Variants in TEAD1 observed in about 807,000 individuals in gnomAD.
TEAD1 encodes the protein TEA domain transcription factor 1.
TEAD1 carries 9 observed loss-of-function variants against 54.9 expected under a neutral mutation model. The ratio of observed to expected loss-of-function variants is 0.16; its 90% CI spans 0.10 to 0.29. The LOEUF (loss-of-function observed/expected upper bound fraction) is 0.29, where lower values mean the gene tolerates loss of function less well. Among genes scored for constraint, TEAD1 ranks in the 10% least tolerant of loss-of-function variants. TEAD1 has a pLI of 1.00. For synonymous variants in TEAD1, 200 were observed against 187.8 expected (o/e 1.07, Z -0.53); for missense variants, 387 against 535.9 (o/e 0.72, Z 2.74).
Position 12,716,709 on chromosome 11 carries a change from A to T in TEAD1, c.-55+41148A>T, listed in dbSNP as rs1425010135. Among the ~76,000 whole-genome samples the T allele has an allele frequency of 2.6e-5, 4 of 152,334 alleles. No homozygotes were observed. In the East Asian group the frequency reaches 7.7e-4, roughly 29 times the overall value. On this transcript the variant is annotated intron_variant, in intron 2 of 12. Coordinates refer to ENST00000527636, the MANE Select transcript of TEAD1 (RefSeq NM_021961.6). The stretch of plus-strand genomic sequence containing the variant: ...TGTTCCAGTAAAATCTTATTTATGG[A>T]CACATGTGAACTCCATGTAGTTTAT...
At chr11:12,906,555 A>AAG (rs1564985939) in intron 10 of TEAD1, among the ~76,000 whole-genome samples, 12 of 142,110 alleles carry the variant, frequency 8.4e-5, no homozygotes, top group Non-Finnish European at 1.7e-4. Context: ...AAAAAAAAAA[A>AAG]AAAGAAAGAA....
intron 3 of TEAD1, among the ~76,000 whole-genome samples, chr11:12,791,428 C>T (rs1161591240): frequency 1.3e-5 from 2 of 152,160 alleles, no homozygotes; most frequent in Non-Finnish European, 2.9e-5. Context: ...AATTCCTGAT[C>T]TGAGGGAAGA....
chr11:12,789,380 T>G (rs989612316), intron 3 of TEAD1, among the ~76,000 whole-genome samples: 1 of 152,232 alleles, frequency 6.6e-6, no homozygotes, highest in Non-Finnish European at 1.5e-5. Flanking sequence ...TTTTGCTATA[T>G]TCATAAAATG....
chr11:12,818,957 G>A (rs1354726812), intron 3 of TEAD1, among the ~76,000 whole-genome samples: 1 of 152,194 alleles, frequency 6.6e-6, no homozygotes. Flanking sequence ...AACAGTAAAT[G>A]TATCTGGAGC....
At chr11:12,725,581 C>T (rs1312637690) in intron 2 of TEAD1, among the ~76,000 whole-genome samples, 1 of 151,210 alleles carries the variant, frequency 6.6e-6, no homozygotes, top group Non-Finnish European at 1.5e-5. Flanking sequence ...TCACATGCAC[C>T]TCATAAATAC....
intron 5 of TEAD1, among the ~76,000 whole-genome samples, chr11:12,878,663 T>C (rs998769730): frequency 2.0e-5 from 3 of 152,076 alleles, no homozygotes; most frequent in African/African-American, 7.2e-5. Context: ...TTGGGTGCCC[T>C]TCTCAATCAT....
intron 3 of TEAD1, among the ~76,000 whole-genome samples, chr11:12,774,959 C>T (rs1286200720): frequency 6.6e-6 from 1 of 152,044 alleles, no homozygotes; most frequent in Non-Finnish European, 1.5e-5. Context: ...ATCTGTACAA[C>T]AAACTCCCAT....
At chr11:12,796,044 T>C (rs555164655) in intron 3 of TEAD1, among the ~76,000 whole-genome samples, 1 of 152,334 alleles carries the variant, frequency 6.6e-6, no homozygotes, top group South Asian at 2.1e-4. Flanking sequence ...AGAATTCTTT[T>C]TGCACAGGTT....
chr11:12,792,738 T>C (rs1040761554), intron 3 of TEAD1, among the ~76,000 whole-genome samples: 9 of 152,120 alleles, frequency 5.9e-5, no homozygotes, highest in Non-Finnish European at 7.3e-5. Context: ...CCAAAAAACA[T>C]TGGTTATGGG....
intron 2 of TEAD1, among the ~76,000 whole-genome samples, chr11:12,755,840 A>G (rs1230601450): frequency 6.6e-6 from 1 of 152,166 alleles, no homozygotes; most frequent in Non-Finnish European, 1.5e-5. Flanking sequence ...GTCCTTTTGA[A>G]GGAGTCCACT....
At position 12,898,811 on chromosome 11, in the gene TEAD1, A is replaced by C. The variant is rs1023412601; in HGVS notation, c.700-3129A>C. Among the ~76,000 whole-genome samples, 8 of 152,306 alleles carry C rather than the reference A, an allele frequency of 5.3e-5. No homozygotes were observed. The South Asian group carries it at 1.4e-3, about 28-fold the overall frequency. Reference sequence around the variant, plus strand: ...GTATTATATCCCCATTGCACATATGAGAAGTCTTGAGGTTTCAGGTTTGTG... The same window carrying C: ...GTATTATATCCCCATTGCACATATGCGAAGTCTTGAGGTTTCAGGTTTGTG... On this transcript the variant is annotated intron_variant, in intron 9 of 12. Coordinates refer to ENST00000527636, the MANE Select transcript of TEAD1 (RefSeq NM_021961.6).
intron 2 of TEAD1, among the ~76,000 whole-genome samples, chr11:12,719,995 G>GTTTTTT (rs1564917684): frequency 3.7e-4 from 1 of 2,704 alleles, no homozygotes; most frequent in Non-Finnish European, 9.1e-4. Flanking sequence ...TTTTTTTTTT[G>GTTTTTT]GGGGGGGACC....
intron 3 of TEAD1, among the ~76,000 whole-genome samples, chr11:12,815,792 G>T (rs1564949865): frequency 6.6e-6 from 1 of 152,188 alleles, no homozygotes; most frequent in Non-Finnish European, 1.5e-5. Context: ...CAGCACTGGG[G>T]TGCATGAGGG....
intron 3 of TEAD1, among the ~76,000 whole-genome samples, chr11:12,794,317 G>A (rs1945868854): frequency 6.6e-6 from 1 of 152,206 alleles, no homozygotes; most frequent in South Asian, 2.1e-4. Flanking sequence ...TAGCGTGATA[G>A]TCTCTTTGAG....
intron 9 of TEAD1, among the ~76,000 whole-genome samples, chr11:12,884,432 T>C (rs1045065868): frequency 2.0e-5 from 3 of 152,172 alleles, no homozygotes; most frequent in Non-Finnish European, 2.9e-5. Context: ...ATTTCTATTA[T>C]CGGGAGACAG....
chr11:12,871,273 C>G (rs188641113), intron 5 of TEAD1, among the ~76,000 whole-genome samples: 2 of 152,346 alleles, frequency 1.3e-5, no homozygotes, highest in East Asian at 3.9e-4. Flanking sequence ...TTCCATCTCA[C>G]CCTTTCCCTT....
intron 2 of TEAD1, among the ~76,000 whole-genome samples, chr11:12,719,157 C>G (rs1944127299): frequency 6.6e-6 from 1 of 151,988 alleles, no homozygotes; most frequent in African/African-American, 2.4e-5. Context: ...CCCAAGCCCC[C>G]TCCTCCGCAG....
At chr11:12,829,257 G>A (rs1210411870) in intron 3 of TEAD1, among the ~76,000 whole-genome samples, 1 of 152,154 alleles carries the variant, frequency 6.6e-6, no homozygotes, top group Non-Finnish European at 1.5e-5. Context: ...TTTCCGTGGT[G>A]GCTGGCCCAA....
intron 8 of TEAD1, 69 bp downstream of exon 8, chr11:12,882,026 G>A: frequency 1.3e-6 from 2 of 1,538,970 alleles, no homozygotes; most frequent in Admixed American, 3.3e-5. Context: ...CTGGCACTTT[G>A]TTCCCAGAGT....
Sources: gnomAD v4.1 joint callset for allele counts (sites outside exome capture counted in the v4.1 genomes callset) on GRCh38, gnomAD v4.1.1 for gene constraint, MANE v1.5 for transcripts, NCBI Gene and HGNC (gene_info 2026-07-23, HGNC 2026-07-21) for gene names.